ARHGAP6: variants seen among roughly 807,000 people sequenced by gnomAD.
The protein encoded by ARHGAP6 is Rho GTPase activating protein 6, also known as rho GTPase-activating protein 6.
A neutral mutation model predicts 55.7 loss-of-function variants in ARHGAP6; 16 were observed. That is an observed-to-expected ratio of 0.29 (90% confidence interval 0.19 to 0.44). ARHGAP6 has a LOEUF of 0.44. Among genes scored for constraint, ARHGAP6 ranks in the 20% least tolerant of loss-of-function variants. The pLI is 1.00. For synonymous variants in ARHGAP6, 382 were observed against 360.9 expected (o/e 1.06, Z -0.66); for missense variants, 698 against 808.9 (o/e 0.86, Z 1.66).
intron 1 of ARHGAP6, among the ~76,000 whole-genome samples, chrX:11,485,037 C>CAAAA (rs375351477): frequency 9.5e-6 from 1 of 105,547 alleles, no homozygotes; most frequent in South Asian, 4.1e-4. Context: ...ACAACAACAA[C>CAAAA]AAAAAAAAAA....
intron 2 of ARHGAP6, among the ~76,000 whole-genome samples, chrX:11,203,108 T>C (rs761643504): frequency 8.9e-6 from 1 of 111,751 alleles, no homozygotes; most frequent in South Asian, 3.8e-4. Flanking sequence ...GCAATCAATA[T>C]ATTTTTACTC....
chrX:11,388,734 A>C (rs990599337), intron 1 of ARHGAP6, among the ~76,000 whole-genome samples: 5 of 111,940 alleles, frequency 4.5e-5, no homozygotes, highest in African/African-American at 1.3e-4. Flanking sequence ...TTTTTGTATA[A>C]GGTGTAAGGA....
chrX:11,606,549 T>A (rs2052038036), intron 1 of ARHGAP6, among the ~76,000 whole-genome samples: 1 of 111,243 alleles, frequency 9.0e-6, no homozygotes, highest in African/African-American at 3.3e-5. Flanking sequence ...AATGAATAGA[T>A]CCTGATAGGG....
intron 1 of ARHGAP6, among the ~76,000 whole-genome samples, chrX:11,573,177 C>T (rs1279696952): frequency 9.0e-6 from 1 of 110,584 alleles, no homozygotes; most frequent in African/African-American, 3.3e-5. Context: ...TGTGCAGAAG[C>T]TCTTTAGTTT....
chrX:11,401,476 G>A (rs1014166278), intron 1 of ARHGAP6, among the ~76,000 whole-genome samples: 2 of 111,780 alleles, frequency 1.8e-5, no homozygotes, highest in Non-Finnish European at 3.8e-5. Flanking sequence ...TCTGTGCCCT[G>A]TAGGATATTT....
chrX:11,613,722 C>T (rs931172155), intron 1 of ARHGAP6, among the ~76,000 whole-genome samples: 1 of 112,039 alleles, frequency 8.9e-6, no homozygotes, highest in African/African-American at 3.2e-5. Flanking sequence ...AGTTTGTGAC[C>T]AGGCTGCCAT....
At chrX:11,249,476 T>A (rs2047395497) in intron 2 of ARHGAP6, among the ~76,000 whole-genome samples, 1 of 111,690 alleles carries the variant, frequency 9.0e-6, no homozygotes, top group African/African-American at 3.3e-5. Context: ...CCTTGCACCC[T>A]GTTGCAACAA....
At chrX:11,332,878 A>T (rs1242223275) in intron 1 of ARHGAP6, among the ~76,000 whole-genome samples, 1 of 112,041 alleles carries the variant, frequency 8.9e-6, no homozygotes. Flanking sequence ...TAGTCAGGGC[A>T]CAGAACAGTT....
chrX:11,344,071 T>C (rs2048739811), intron 1 of ARHGAP6, among the ~76,000 whole-genome samples: 2 of 111,701 alleles, frequency 1.8e-5, no homozygotes, highest in South Asian at 3.8e-4. Context: ...ATCTAGCAAC[T>C]TGAGACTGGG....
chrX:11,151,390 G>T (rs1050358260), intron 10 of ARHGAP6, among the ~76,000 whole-genome samples: 2 of 109,370 alleles, frequency 1.8e-5, no homozygotes, highest in African/African-American at 6.7e-5. Context: ...TCATCCTCCC[G>T]AGTAGCTGGG....
At chrX:11,146,085 G>A (rs1015175213) in intron 10 of ARHGAP6, among the ~76,000 whole-genome samples, 1 of 112,447 alleles carries the variant, frequency 8.9e-6, no homozygotes, top group South Asian at 3.7e-4. Flanking sequence ...TGACCTTGGG[G>A]TGACTGAGGC....
chrX:11,418,824 A>T (rs890336280), intron 1 of ARHGAP6, among the ~76,000 whole-genome samples: 19 of 111,890 alleles, frequency 1.7e-4, no homozygotes, highest in African/African-American at 5.5e-4. Context: ...ATTTGAAGCA[A>T]TTTGGGAGAC....
At chrX:11,458,625 T>C (rs1345643552) in intron 1 of ARHGAP6, among the ~76,000 whole-genome samples, 1 of 112,253 alleles carries the variant, frequency 8.9e-6, no homozygotes, top group Non-Finnish European at 1.9e-5. Context: ...CTACATCTCA[T>C]GGTTTTGTTT....
intron 2 of ARHGAP6, among the ~76,000 whole-genome samples, chrX:11,249,907 T>G (rs1212403361): frequency 1.8e-5 from 2 of 111,742 alleles, no homozygotes; most frequent in African/African-American, 6.5e-5. Flanking sequence ...CTACCTATGT[T>G]TTCTGCTGGT....
At chrX:11,200,820 C>T (rs1353470093) in intron 2 of ARHGAP6, among the ~76,000 whole-genome samples, 1 of 112,231 alleles carries the variant, frequency 8.9e-6, no homozygotes, top group South Asian at 3.7e-4. Flanking sequence ...TGATCAGATT[C>T]AGAGAATGAG....
intron 1 of ARHGAP6, among the ~76,000 whole-genome samples, chrX:11,542,210 G>A (rs777027269): frequency 7.2e-5 from 8 of 110,978 alleles, no homozygotes; most frequent in African/African-American, 2.6e-4. Context: ...GCTCACACCT[G>A]TAATCCCAGC....
At chrX:11,486,738 A>G (rs2050514555) in intron 1 of ARHGAP6, among the ~76,000 whole-genome samples, 1 of 111,705 alleles carries the variant, frequency 9.0e-6, no homozygotes, top group Admixed American at 9.5e-5. Flanking sequence ...AGTGGCATGA[A>G]GAGGGCATCC....
intron 1 of ARHGAP6, among the ~76,000 whole-genome samples, chrX:11,433,663 TGCA>T (rs2147790972): frequency 8.9e-6 from 1 of 112,522 alleles, no homozygotes; most frequent in Non-Finnish European, 1.9e-5. Context: ...GTCTAAAGCC[TGCA>T]GAATTCCCAT....
At chrX:11,169,441 C>G in intron 9 of ARHGAP6, 64 bp downstream of exon 9, 1 of 1,066,836 alleles carries the variant, frequency 9.4e-7, no homozygotes, top group Non-Finnish European at 1.2e-6. Flanking sequence ...AGAATTTCAT[C>G]CTGCCTCCAG....
Sources: gnomAD v4.1 joint callset for allele counts (sites outside exome capture counted in the v4.1 genomes callset) on GRCh38, gnomAD v4.1.1 for gene constraint, MANE v1.5 for transcripts, NCBI Gene and HGNC (gene_info 2026-07-23, HGNC 2026-07-21) for gene names.